Variants in MARCHF1 observed in about 807,000 individuals in gnomAD.
The protein encoded by MARCHF1 is membrane associated ring-CH-type finger 1.
A neutral mutation model predicts 54.2 loss-of-function variants in MARCHF1; 40 were observed. The ratio of observed to expected loss-of-function variants is 0.74; its 90% CI spans 0.57 to 0.96. The LOEUF is 0.96. Among genes scored for constraint, MARCHF1 ranks in the 40% least tolerant of loss-of-function variants. The pLI is 0.00. For missense variants in MARCHF1, 586 were observed against 656.5 expected (o/e 0.89, Z 1.17); for synonymous variants, 236 against 236.3 (o/e 1.00, Z 0.01).
intron 2 of MARCHF1, among the ~76,000 whole-genome samples, chr4:164,014,392 TTATAA>T (rs1753493148): frequency 6.6e-6 from 1 of 152,000 alleles, no homozygotes; most frequent in African/African-American, 2.4e-5. Flanking sequence ...AAACAAAAAC[TTATAA>T]TAGATACATA....
intron 1 of MARCHF1, chr4:164,188,215 A>G (rs1368323245): frequency 4.4e-6 from 1 of 226,878 alleles, no homozygotes; most frequent in Non-Finnish European, 8.9e-6. Flanking sequence ...TCAAGTATAT[A>G]TACACAAATA....
intron 2 of MARCHF1, among the ~76,000 whole-genome samples, chr4:164,077,701 C>T (rs1265926699): frequency 6.6e-6 from 1 of 151,958 alleles, no homozygotes; most frequent in Non-Finnish European, 1.5e-5. Context: ...ACAAACAATC[C>T]CATCAAAAAG....
intron 7 of MARCHF1, among the ~76,000 whole-genome samples, chr4:163,591,642 C>T (rs1015001814): frequency 1.3e-5 from 2 of 152,056 alleles, no homozygotes; most frequent in African/African-American, 4.8e-5. Context: ...TTTCATTAAG[C>T]TTCTATTTAA....
At chr4:163,830,086 A>G (rs989035209) in intron 4 of MARCHF1, among the ~76,000 whole-genome samples, 1 of 152,146 alleles carries the variant, frequency 6.6e-6, no homozygotes, top group African/African-American at 2.4e-5. Flanking sequence ...AGCTTAACTC[A>G]AATGTTCAAA....
Position 163,620,567 on chromosome 4 carries a change from C to CCACACA in MARCHF1, c.163-7180_163-7175dup, listed in dbSNP as rs138692310. Among the ~76,000 whole-genome samples, 201 of 120,112 alleles carry CCACACA rather than the reference C, an allele frequency of 1.7e-3. 2 individuals carry two copies. The highest frequency in any genetic ancestry group is 4.3e-3 in the African/African-American group (138 of 31,752). The allele number at this position is 120,112 out of a possible 152,430, so 78.8% of individuals were successfully genotyped here. The stretch of plus-strand genomic sequence containing the variant: ...TAAGCCATAAAAAGAATGAGGTACA[C>CCACACA]CACACACACACACACACACACACAC... On this transcript the variant is annotated intron_variant, in intron 5 of 9. Transcript: ENST00000514618.
chr4:163,538,339 T>TCA (rs796519415), intron 9 of MARCHF1, among the ~76,000 whole-genome samples: 4 of 150,260 alleles, frequency 2.7e-5, no homozygotes, highest in East Asian at 2.0e-4. Flanking sequence ...TTTTTTTTTT[T>TCA]CACACACACA....
chr4:163,569,314 T>C (rs577308936), intron 8 of MARCHF1, among the ~76,000 whole-genome samples: 12 of 152,132 alleles, frequency 7.9e-5, no homozygotes, highest in Non-Finnish European at 1.8e-4. Flanking sequence ...CTACTCTGTG[T>C]CCTTTTAGTT....
chr4:164,093,201 C>T (rs1220755864), intron 2 of MARCHF1, among the ~76,000 whole-genome samples: 1 of 152,006 alleles, frequency 6.6e-6, no homozygotes, highest in African/African-American at 2.4e-5. Flanking sequence ...AGATAGTATA[C>T]CTTAAAGTGT....
chr4:164,195,981 CATAA>C (rs1731245207), intron 1 of MARCHF1, among the ~76,000 whole-genome samples: 1 of 152,112 alleles, frequency 6.6e-6, no homozygotes, highest in Admixed American at 6.6e-5. Context: ...GAAAAATCAA[CATAA>C]ATATAGTTGA....
chr4:163,600,017 T>C (rs1740907689), intron 7 of MARCHF1, among the ~76,000 whole-genome samples: 1 of 152,170 alleles, frequency 6.6e-6, no homozygotes, highest in South Asian at 2.1e-4. Context: ...CTTCAGGAGC[T>C]GAAGGAAAAT....
chr4:163,664,643 T>C (rs1317847441), intron 5 of MARCHF1, among the ~76,000 whole-genome samples: 1 of 152,100 alleles, frequency 6.6e-6, no homozygotes. Context: ...AAAGACATTG[T>C]ATCTGTAGGG....
intron 4 of MARCHF1, among the ~76,000 whole-genome samples, chr4:163,726,189 A>G (rs1245050983): frequency 6.6e-6 from 1 of 152,194 alleles, no homozygotes; most frequent in African/African-American, 2.4e-5. Flanking sequence ...GACTTTGACA[A>G]ATGTATGATA....
chr4:163,772,652 A>G (rs1747193454), intron 4 of MARCHF1, among the ~76,000 whole-genome samples: 1 of 152,174 alleles, frequency 6.6e-6, no homozygotes, highest in South Asian at 2.1e-4. Flanking sequence ...GCAATAGTTC[A>G]TTGAATCCTT....
intron 2 of MARCHF1, among the ~76,000 whole-genome samples, chr4:164,048,590 A>G (rs2111036887): frequency 6.6e-6 from 1 of 152,308 alleles, no homozygotes; most frequent in South Asian, 2.1e-4. Flanking sequence ...CACTATTAAA[A>G]AGAAAATGCT....
At chr4:163,871,851 A>G (rs1750176505) in intron 3 of MARCHF1, among the ~76,000 whole-genome samples, 1 of 152,142 alleles carries the variant, frequency 6.6e-6, no homozygotes, top group African/African-American at 2.4e-5. Context: ...AGTATTCCAA[A>G]ATCAAATGCC....
intron 1 of MARCHF1, among the ~76,000 whole-genome samples, chr4:164,145,238 G>A (rs146568933): frequency 0.36 from 54,294 of 151,538 alleles, 9,605 homozygotes; most frequent in Non-Finnish European, 0.46. Flanking sequence ...AATTTTACCA[G>A]AGGTAAAAGG....
intron 8 of MARCHF1, among the ~76,000 whole-genome samples, chr4:163,572,343 T>A (rs1389773260): frequency 6.6e-6 from 1 of 151,488 alleles, no homozygotes; most frequent in Non-Finnish European, 1.5e-5. Flanking sequence ...TTAAATAAAT[T>A]GATTCTTCAC....
At chr4:164,008,425 T>C (rs1753343130) in intron 2 of MARCHF1, among the ~76,000 whole-genome samples, 1 of 152,052 alleles carries the variant, frequency 6.6e-6, no homozygotes, top group African/African-American at 2.4e-5. Context: ...GGACAAGTCA[T>C]CTAGACAGAA....
intron 1 of MARCHF1, among the ~76,000 whole-genome samples, chr4:164,211,735 G>T (rs2111120174): frequency 6.6e-6 from 1 of 152,156 alleles, no homozygotes; most frequent in East Asian, 1.9e-4. Flanking sequence ...GTGTGGTAAA[G>T]TAGTAGGTAC....
Sources: gnomAD v4.1 joint callset for allele counts (sites outside exome capture counted in the v4.1 genomes callset) on GRCh38, gnomAD v4.1.1 for gene constraint, MANE v1.5 for transcripts, NCBI Gene and HGNC (gene_info 2026-07-23, HGNC 2026-07-21) for gene names.